The following PLCL1 variants were observed in gnomAD, a reference collection of about 807,000 sequenced individuals.
PLCL1 encodes the protein inactive phospholipase C-like protein 1.
In PLCL1, 41 loss-of-function variants were observed where a neutral mutation model predicts 84.4. The observed-to-expected ratio is 0.49, with a 90% CI of 0.38 to 0.63. The LOEUF (loss-of-function observed/expected upper bound fraction) is 0.63. Among genes scored for constraint, PLCL1 ranks in the 30% least tolerant of loss-of-function variants. PLCL1 has a pLI of 0.00. For missense variants in PLCL1, 1,206 were observed against 1,367.8 expected (o/e 0.88, Z 1.87); for synonymous variants, 490 against 488.3 (o/e 1.00, Z -0.05).
chr2:197,937,868 T>C lies in PLCL1; in HGVS notation c.240+132529T>C, dbSNP rs768435893. Among the ~76,000 whole-genome samples, 3 of 152,148 alleles carry C rather than the reference T, an allele frequency of 2.0e-5. 1 individual carries two copies. Among genetic ancestry groups the C allele is most frequent in the Non-Finnish European group, 4.4e-5 (3 of 68,026 alleles). On this transcript the variant is annotated intron_variant, in intron 1 of 5. Transcript: ENST00000428675. ...AGAAGGATCAAGGATTTTTTTTCCA[T>C]GTACAGGAATGAATGAAGGACTTGG...
At chr2:197,828,177 C>T (rs1027678530) in intron 1 of PLCL1, among the ~76,000 whole-genome samples, 6 of 151,982 alleles carry the variant, frequency 3.9e-5, no homozygotes, top group Admixed American at 6.6e-5. Context: ...TTGTAAATAT[C>T]AGTATTTCAC....
chr2:197,955,819 T>C (rs919336637), intron 1 of PLCL1, among the ~76,000 whole-genome samples: 17 of 150,494 alleles, frequency 1.1e-4, no homozygotes, highest in African/African-American at 4.2e-4. Flanking sequence ...TTTTTTAATT[T>C]TACCCTAAGT....
chr2:198,127,011 T>TGTGTGTGTGTG (rs762931586), intron 5 of PLCL1, among the ~76,000 whole-genome samples: 656 of 56,656 alleles, frequency 0.012, 4 homozygotes, highest in African/African-American at 0.034. Flanking sequence ...TGTGTGTGTG[T>TGTGTGTGTGTG]GGGGGGTGGT....
rs373852346 is a variant in PLCL1 at position 198,050,596 on chromosome 2, G to A, written c.241-33162G>A. Among the ~76,000 whole-genome samples, 16 of 152,252 alleles carry A rather than the reference G, an allele frequency of 1.1e-4. 1 individual carries two copies. The highest frequency in any genetic ancestry group is 3.9e-4 in the African/African-American group (16 of 41,556). ...AAGCTGAATGCTAAAAGGTTGTTTT[G>A]TGTGCTGTATGACAGACAAATATTT... is the stretch of plus-strand genomic sequence containing the variant. On this transcript the variant is annotated intron_variant, in intron 1 of 5. Coordinates refer to ENST00000428675, the MANE Select transcript of PLCL1 (RefSeq NM_006226.4).
At chr2:197,863,449 G>A (rs942822990) in intron 1 of PLCL1, among the ~76,000 whole-genome samples, 1 of 152,140 alleles carries the variant, frequency 6.6e-6, no homozygotes, top group Admixed American at 6.6e-5. Context: ...ATGTTTCTGG[G>A]TAGCTTGTCA....
chr2:198,123,007 C>T (rs983853060), intron 5 of PLCL1, among the ~76,000 whole-genome samples: 6 of 152,076 alleles, frequency 3.9e-5, no homozygotes, highest in African/African-American at 1.4e-4. Flanking sequence ...TGTGGACCCG[C>T]AGTCCTTGTC....
chr2:198,043,905 A>T (rs1691727909), intron 1 of PLCL1, among the ~76,000 whole-genome samples: 2 of 135,670 alleles, frequency 1.5e-5, no homozygotes, highest in South Asian at 2.4e-4. Flanking sequence ...TTTTTAAATG[A>T]GAGGCTAATT....
chr2:197,805,098 C>T lies in PLCL1; in HGVS notation c.-2C>T. The T allele has an allele frequency of 7.4e-7, 1 of 1,354,316 alleles. No homozygotes were observed. The highest frequency in any genetic ancestry group is 3.8e-5 in the Admixed American group (1 of 26,566). The allele number at this position is 1,354,316 out of a possible 1,614,324, so 83.9% of individuals were successfully genotyped here. A position where few individuals can be genotyped will look rare whatever the true frequency, so the allele number is the denominator to read the frequency against. On this transcript the variant is annotated 5_prime_UTR_variant, in exon 1 of 6. Coordinates refer to ENST00000428675, the MANE Select transcript of PLCL1 (RefSeq NM_006226.4). This position sits in a 1 kb window ranked among gnomAD's most constrained non-coding sequence, Gnocchi z 4.0. ...CCCGGGGAGCCCTAAACGCTCCAGG[C>T]CATGGCCGAGGGCGCGGCCGGCAGG...
At chr2:197,886,123 A>G (rs1024979888) in intron 1 of PLCL1, among the ~76,000 whole-genome samples, 2 of 152,110 alleles carry the variant, frequency 1.3e-5, no homozygotes, top group Non-Finnish European at 2.9e-5. Flanking sequence ...TTTAAAGTAA[A>G]ATTCCTAGCT....
intron 1 of PLCL1, among the ~76,000 whole-genome samples, chr2:197,863,014 C>T (rs139785340): frequency 0.016 from 2,405 of 152,186 alleles, 31 homozygotes; most frequent in Non-Finnish European, 0.025. Flanking sequence ...GTTCCTGGAA[C>T]GCAGTAGATG....
chr2:197,957,497 T>C (rs1218552591), intron 1 of PLCL1, among the ~76,000 whole-genome samples: 2 of 152,080 alleles, frequency 1.3e-5, no homozygotes, highest in African/African-American at 2.4e-5. Flanking sequence ...ATAAAGTTGG[T>C]GGATTTTGCA....
chr2:197,824,452 G>A (rs72918832), intron 1 of PLCL1, among the ~76,000 whole-genome samples: 14,741 of 151,678 alleles, frequency 0.097, 780 homozygotes, highest in Non-Finnish European at 0.12. Flanking sequence ...TAAAAAATCA[G>A]TCTGTAATCC....
chr2:197,833,458 C>A (rs1691113754), intron 1 of PLCL1, among the ~76,000 whole-genome samples: 1 of 152,198 alleles, frequency 6.6e-6, no homozygotes, highest in South Asian at 2.1e-4. Flanking sequence ...TCTCCTTAAC[C>A]TGCTAAGCAA....
At position 198,104,062 on chromosome 2, in the gene PLCL1, G is replaced by A. The variant is rs1325535301; in HGVS notation, c.3105+126G>A. ...TTTTAAACCTTCACTTTAGATTCAG[G>A]GTTACATGTGCAGGTTTGTTATATA... On this transcript the variant is annotated intron_variant, in intron 5 of 5. Transcript: ENST00000428675. 8.1e-6 allele frequency: 4 copies of A among 492,750 alleles called. No individual in the cohort carries two copies. The East Asian group carries it at 1.0e-4, about 13-fold the overall frequency. 30.5% of individuals were successfully genotyped at this position (492,750 alleles called of 1,614,324 possible).
intron 1 of PLCL1, among the ~76,000 whole-genome samples, chr2:198,050,082 G>A (rs925756254): frequency 6.6e-6 from 1 of 152,202 alleles, no homozygotes; most frequent in Non-Finnish European, 1.5e-5. Flanking sequence ...AGAGGGCAAC[G>A]AGGTGAGGTT....
intron 1 of PLCL1, among the ~76,000 whole-genome samples, chr2:197,807,807 A>G (rs1690513165): frequency 6.6e-6 from 1 of 152,226 alleles, no homozygotes; most frequent in African/African-American, 2.4e-5. Flanking sequence ...TGATATTCAT[A>G]ATGCTGAGCC....
intron 1 of PLCL1, among the ~76,000 whole-genome samples, chr2:198,059,567 G>A (rs1692144290): frequency 6.6e-6 from 1 of 152,164 alleles, no homozygotes; most frequent in Non-Finnish European, 1.5e-5. Flanking sequence ...GAGACCGCGA[G>A]GAGCCTGGTG....
At chr2:198,082,086 G>A (rs1692727620) in intron 1 of PLCL1, among the ~76,000 whole-genome samples, 1 of 152,200 alleles carries the variant, frequency 6.6e-6, no homozygotes, top group Non-Finnish European at 1.5e-5. Context: ...CAGTTACTGG[G>A]TGTAAAAGGC....
At chr2:198,095,756 A>G (rs1693175068) in intron 3 of PLCL1, among the ~76,000 whole-genome samples, 1 of 152,188 alleles carries the variant, frequency 6.6e-6, no homozygotes, top group South Asian at 2.1e-4. Context: ...AGTTTGTTTG[A>G]ATTGGTTTGA....
Sources: gnomAD v4.1 joint callset for allele counts (sites outside exome capture counted in the v4.1 genomes callset) on GRCh38, gnomAD v4.1.1 for gene constraint, Gnocchi (gnomAD v3.1) non-coding constraint, MANE v1.5 for transcripts, NCBI Gene and HGNC (gene_info 2026-07-23, HGNC 2026-07-21) for gene names.